Variants in GALNT17 observed in about 807,000 individuals in gnomAD.
GALNT17 encodes UDP-GalNAc:polypeptide N-acetylgalactosaminyltransferase-like 3.
GALNT17 carries 29 observed loss-of-function variants against 63.7 expected under a neutral mutation model. The ratio of observed to expected loss-of-function variants is 0.46; its 90% confidence interval spans 0.34 to 0.62. The LOEUF (loss-of-function observed/expected upper bound fraction) is 0.62. GALNT17 is among the 20% of genes least tolerant of loss of function. The pLI, the probability that GALNT17 is intolerant of heterozygous loss-of-function variation, is 0.01. For missense variants in GALNT17, 603 were observed against 799.6 expected (o/e 0.75, Z 2.97); for synonymous variants, 305 against 318.3 (o/e 0.96, Z 0.45).
intron 9 of GALNT17, among the ~76,000 whole-genome samples, chr7:71,700,748 C>A (rs1221251914): frequency 6.6e-6 from 1 of 152,196 alleles, no homozygotes; most frequent in Admixed American, 6.5e-5. Flanking sequence ...GGGAATCCTT[C>A]TTTGACCTTC....
chr7:71,575,703 C>T (rs916605996), intron 6 of GALNT17, among the ~76,000 whole-genome samples: 1 of 151,692 alleles, frequency 6.6e-6, no homozygotes, highest in Non-Finnish European at 1.5e-5. Context: ...TTTTTTAAAC[C>T]AAGAAATGGC....
chr7:71,423,813 C>T (rs996104926), intron 5 of GALNT17, among the ~76,000 whole-genome samples: 1 of 151,872 alleles, frequency 6.6e-6, no homozygotes, highest in Admixed American at 6.6e-5. Flanking sequence ...TCTCAGCTAC[C>T]CAGGAAGCTG....
At chr7:71,478,581 G>T (rs1380141130) in intron 5 of GALNT17, among the ~76,000 whole-genome samples, 1 of 152,130 alleles carries the variant, frequency 6.6e-6, no homozygotes, top group African/African-American at 2.4e-5. Context: ...CTCCCAAAGT[G>T]CTGGGTTATC....
At chr7:71,228,292 C>T (rs1020850532) in intron 1 of GALNT17, among the ~76,000 whole-genome samples, 2 of 152,160 alleles carry the variant, frequency 1.3e-5, no homozygotes, top group African/African-American at 4.8e-5. Context: ...TAGTGGCCAT[C>T]CCTGGTTCCA....
chr7:71,598,549 ATTCTTTTTT>A (rs1016196130), intron 6 of GALNT17, among the ~76,000 whole-genome samples: 1 of 152,064 alleles, frequency 6.6e-6, no homozygotes, highest in African/African-American at 2.4e-5. Flanking sequence ...ATGTCTTTTT[ATTCTTTTTT>A]AATTTAGTAG....
At chr7:71,502,851 A>G (rs549784573) in intron 5 of GALNT17, among the ~76,000 whole-genome samples, 4 of 152,352 alleles carry the variant, frequency 2.6e-5, no homozygotes, top group African/African-American at 7.2e-5. Context: ...GTTCCACAGC[A>G]TGAAGTTGCC....
In GALNT17 at chr7:71,212,784, G is replaced by A. The variant is rs575912824; in HGVS notation, c.238+79744G>A. 1.1e-4 allele frequency among the ~76,000 whole-genome samples: 16 copies of A among 152,206 alleles called. No individual in the cohort carries two copies. The South Asian group carries it at 3.3e-3, about 32-fold the overall frequency. ...CCCTGCTCGATTTCAGACTTGCATGGGCCCTGTGACCCCTTTGTTTTGGCC... is the reference window on the plus strand; with the variant it reads ...CCCTGCTCGATTTCAGACTTGCATGAGCCCTGTGACCCCTTTGTTTTGGCC... On this transcript the variant is annotated intron_variant, in intron 1 of 10. Coordinates refer to ENST00000333538, the MANE Select transcript of GALNT17 (RefSeq NM_022479.3).
chr7:71,321,599 C>T (rs1791606028), intron 1 of GALNT17, among the ~76,000 whole-genome samples: 1 of 151,110 alleles, frequency 6.6e-6, no homozygotes. Flanking sequence ...TCAATTTTCT[C>T]CCCTCCCTCC....
intron 1 of GALNT17, among the ~76,000 whole-genome samples, chr7:71,274,599 A>G (rs1407852030): frequency 6.6e-6 from 1 of 152,086 alleles, no homozygotes; most frequent in African/African-American, 2.4e-5. Flanking sequence ...CTTTTTATGT[A>G]TTTCACTTTT....
intron 3 of GALNT17, among the ~76,000 whole-genome samples, chr7:71,393,638 A>G (rs1349691394): frequency 6.6e-6 from 1 of 152,170 alleles, no homozygotes; most frequent in African/African-American, 2.4e-5. Flanking sequence ...AGCTCTGGTC[A>G]AGATGGGCTC....
At chr7:71,198,670 A>G (rs905009545) in intron 1 of GALNT17, among the ~76,000 whole-genome samples, 2 of 152,214 alleles carry the variant, frequency 1.3e-5, no homozygotes. Flanking sequence ...ATAGGTACTT[A>G]AGATTGACAA....
At chr7:71,578,425 C>A (rs761650448) in intron 6 of GALNT17, among the ~76,000 whole-genome samples, 1 of 152,168 alleles carries the variant, frequency 6.6e-6, no homozygotes, top group Non-Finnish European at 1.5e-5. Flanking sequence ...CCTCCAACTC[C>A]TAGAATCAGG....
chr7:71,433,453 A>G (rs1786904610), intron 5 of GALNT17, among the ~76,000 whole-genome samples: 1 of 152,234 alleles, frequency 6.6e-6, no homozygotes, highest in African/African-American at 2.4e-5. Flanking sequence ...GTGACATTGC[A>G]TAACTCTATG....
intron 1 of GALNT17, among the ~76,000 whole-genome samples, chr7:71,239,609 C>T (rs915574873): frequency 6.6e-6 from 1 of 152,180 alleles, no homozygotes; most frequent in East Asian, 1.9e-4. Flanking sequence ...ACAGCAGTAT[C>T]TAGAAGGGCC....
chr7:71,624,263 T>C (rs1790338963), intron 6 of GALNT17, among the ~76,000 whole-genome samples: 1 of 152,138 alleles, frequency 6.6e-6, no homozygotes, highest in African/African-American at 2.4e-5. Context: ...TCTCTGAGTG[T>C]CCTCACACCA....
chr7:71,656,618 C>T (rs936890204), intron 6 of GALNT17, among the ~76,000 whole-genome samples: 61 of 151,652 alleles, frequency 4.0e-4, no homozygotes, highest in African/African-American at 1.3e-3. Flanking sequence ...TGGCTGTGGT[C>T]CAGGTGGGAG....
At chr7:71,678,985 A>T (rs1791194972) in intron 9 of GALNT17, among the ~76,000 whole-genome samples, 1 of 150,058 alleles carries the variant, frequency 6.7e-6, no homozygotes, top group Non-Finnish European at 1.5e-5. Context: ...GTCAAATGCG[A>T]TCCATTTAAA....
chr7:71,210,850 G>A (rs562753881), intron 1 of GALNT17, among the ~76,000 whole-genome samples: 2 of 152,176 alleles, frequency 1.3e-5, no homozygotes, highest in Non-Finnish European at 2.9e-5. Flanking sequence ...TGATGGACAT[G>A]TAGTACATTG....
At chr7:71,677,153 G>T in intron 8 of GALNT17, 58 bp from the exon 9 acceptor site, 1 of 1,565,238 alleles carries the variant, frequency 6.4e-7, no homozygotes, top group South Asian at 1.1e-5. Context: ...ACAGTGACTC[G>T]GCATCCACAC....
Sources: allele counts gnomAD v4.1 joint callset (sites outside exome capture counted in the v4.1 genomes callset), GRCh38; gene constraint gnomAD v4.1.1; transcripts MANE v1.5; gene names NCBI Gene and HGNC (gene_info 2026-07-23, HGNC 2026-07-21).